Variants in ARMC5 observed in about 807,000 individuals in gnomAD.
ARMC5 encodes the protein armadillo repeat containing 5.
In ARMC5, 28 loss-of-function variants were observed where a neutral mutation model predicts 60.5. The observed-to-expected ratio is 0.46, with a 90% CI of 0.34 to 0.63. The LOEUF (loss-of-function observed/expected upper bound fraction) is 0.63, where lower values mean the gene tolerates loss of function less well. Ranked by LOEUF, ARMC5 falls within the 30% of genes least tolerant of loss-of-function variation. ARMC5 has a pLI of 0.01. For synonymous variants in ARMC5, 680 were observed against 607.3 expected, an observed-to-expected ratio of 1.12 and a Z score of -1.76; for missense variants, 1,189 against 1,304.9, an observed-to-expected ratio of 0.91 and a Z score of 1.37.
upstream of ARMC5, chr16:31,459,202 G>A (rs989109120): frequency 3.3e-6 from 5 of 1,530,886 alleles, no homozygotes; most frequent in African/African-American, 6.9e-5. Context: ...TCGGACTTCT[G>A]GGCTGTTCGG....
chr16:31,458,382 C>T, upstream of ARMC5: 2 of 1,534,560 alleles, frequency 1.3e-6, no homozygotes, highest in Non-Finnish European at 8.7e-7. Flanking sequence ...TAGGCACAGG[C>T]ATAGGGCCGA....
chr16:31,461,802 C>T, intron 1 of ARMC5, 120 bp from the exon 2 acceptor site: 1 of 844,200 alleles, frequency 1.2e-6, no homozygotes. Context: ...GCCACGGTGC[C>T]CTGCCGACCA....
Position 31,464,536 on chromosome 16 carries a change from C to A in ARMC5, c.1513C>A (p.Arg505Ser), listed in dbSNP as rs1225702640. ...PTSLRAPRTQRTPGRSPAAAI... is the reference protein window; with the variant it reads ...PTSLRAPRTQSTPGRSPAAAI... ...CTCGCTGCGGGCACCACGCACCCAA[C>A]GCACTCCGGGCCGCAGCCCCGCCGC... is the stretch of plus-strand genomic sequence containing the variant. The change falls in exon 4 of 6, where the codon CGC becomes AGC. Residue 505 changes from arginine to serine, a missense_variant. Around this residue, in one of 2 missense-constraint regions of ARMC5, gnomAD observed 862 missense variants for 1,071.2 expected, o/e 0.80. Transcript: ENST00000268314. This position sits in a 1 kb window ranked among gnomAD's most constrained non-coding sequence, Gnocchi z 7.6. 1 of 1,594,682 alleles carries A rather than the reference C, an allele frequency of 6.3e-7. No individual in the cohort carries two copies. Among genetic ancestry groups the A allele is most frequent in the East Asian group, 2.3e-5 (1 of 43,974 alleles).
At position 31,462,649 on chromosome 16, in the gene ARMC5, G is replaced by A; in HGVS notation, c.1102G>A (p.Ala368Thr). The change falls in exon 3 of 6, where the codon GCT becomes ACT. Residue 368 changes from alanine (A) to threonine (T), a missense_variant. Around this residue, in one of 2 missense-constraint regions of ARMC5, gnomAD observed 862 missense variants for 1,071.2 expected, o/e 0.80. Transcript: ENST00000268314. This position sits in a 1 kb window ranked among gnomAD's most constrained non-coding sequence, Gnocchi z 7.2. ...EAINRARLRD[A>T]GGLDLLMGLL... is the part of the protein sequence containing the mutation. Reference sequence around the variant, plus strand: ...CATCAACCGGGCCCGACTGCGGGATGCTGGTGGCTTGGATCTACTGATGGG... The same window carrying A: ...CATCAACCGGGCCCGACTGCGGGATACTGGTGGCTTGGATCTACTGATGGG... 1.2e-6 allele frequency: 2 copies of A among 1,613,724 alleles called. No individual in the cohort carries two copies. Among genetic ancestry groups the A allele is most frequent in the Non-Finnish European group, 1.7e-6 (2 of 1,180,018 alleles).
chr16:31,465,702 C>A, intron 4 of ARMC5, 148 bp from the exon 5 acceptor site: 2 of 1,463,300 alleles, frequency 1.4e-6, no homozygotes, highest in South Asian at 1.4e-5. Flanking sequence ...AGGTTCCCAG[C>A]GTCCCGAGCC....
rs2082338123 is a variant in ARMC5, at chr16:31,464,810, T to G, written c.1787T>G (p.Leu596Arg). Residue 596 changes from leucine to arginine, a missense_variant, in exon 4 of 6, where the codon CTG (leucine) becomes CGG (arginine). Leu to Arg is a moderately radical substitution (Grantham distance 102). This residue lies in a region of ARMC5 where 862 missense variants were observed against 1,071.2 expected (regional missense o/e 0.80). Coordinates refer to ENST00000268314, the MANE Select transcript of ARMC5 (RefSeq NM_001105247.2). This position sits in a 1 kb window ranked among gnomAD's most constrained non-coding sequence, Gnocchi z 7.6. ...GGCGCGGCGCTGCTGCGGGCCTGGC[T>G]GGTGCTGGGGGTGGCGCCTGACGAT... ...SYGAALLRAW[L>R]VLGVAPDDWP... 6.3e-7 allele frequency: 1 copy of G among 1,597,916 alleles called. No individual in the cohort carries two copies. The highest frequency in any genetic ancestry group is 8.5e-7 in the Non-Finnish European group (1 of 1,178,612).
chr16:31,461,808 G>T, intron 1 of ARMC5, 114 bp from the exon 2 acceptor site: 1 of 907,194 alleles, frequency 1.1e-6, no homozygotes, highest in African/African-American at 1.6e-5. Context: ...GTGCCCTGCC[G>T]ACCATTAGCC....
Position 31,459,612 on chromosome 16 carries a change from GA to G in ARMC5, c.92del (p.Lys31ArgfsTer10). On this transcript the variant is annotated frameshift_variant, in exon 1 of 6. Coordinates refer to ENST00000268314, the MANE Select transcript of ARMC5 (RefSeq NM_001105247.2). LOFTEE classifies it high-confidence loss of function. ...AAAAGEALGGEKDPATNETPL... is the reference protein window; with the variant it reads ...AAAAGEALGGXKDPATNETPL... Reference sequence around the variant, plus strand: ...GGCGGCCGGGGAGGCTCTGGGTGGGGAAAAGGACCCAGCGACCAACGAGACA... The same window carrying G: ...GGCGGCCGGGGAGGCTCTGGGTGGGGAAAGGACCCAGCGACCAACGAGACA... The G allele has an allele frequency of 6.3e-7, 1 of 1,597,796 alleles. No individual in the cohort carries two copies.
At position 31,462,698 on chromosome 16, in the gene ARMC5, G is replaced by A; in HGVS notation, c.1151G>A (p.Ser384Asn). The A allele has an allele frequency of 1.9e-6, 3 of 1,613,782 alleles. No individual in the cohort carries two copies. The highest frequency in any genetic ancestry group is 2.5e-6 in the Non-Finnish European group (3 of 1,180,036). Residue 384 changes from serine (S) to asparagine (N), a missense_variant, in exon 3 of 6, where the codon AGC becomes AAC. Around this residue, in one of 2 missense-constraint regions of ARMC5, gnomAD observed 862 missense variants for 1,071.2 expected, o/e 0.80. Coordinates refer to ENST00000268314, the MANE Select transcript of ARMC5 (RefSeq NM_001105247.2). This position sits in a 1 kb window ranked among gnomAD's most constrained non-coding sequence, Gnocchi z 7.2. ...LMGLLRDPRASAWHPRIVAAL... is the reference protein window; with the variant it reads ...LMGLLRDPRANAWHPRIVAAL... The stretch of plus-strand genomic sequence containing the variant: ...GGCCTGCTGCGGGACCCTCGTGCAA[G>A]CGCATGGCACCCTCGTATTGTGGCT...
Position 31,464,543 on chromosome 16 carries a change from C to G in ARMC5, c.1520C>G (p.Pro507Arg). The change falls in exon 4 of 6, where the codon CCG (proline) becomes CGG (arginine). Residue 507 changes from proline (P) to arginine (R), a missense_variant. This residue lies in a region of ARMC5 where 862 missense variants were observed against 1,071.2 expected (regional missense o/e 0.80). Transcript: ENST00000268314. The surrounding 1 kb of genome is among the most constrained non-coding windows in gnomAD (Gnocchi z 7.6). ...CGGGCACCACGCACCCAACGCACTC[C>G]GGGCCGCAGCCCCGCCGCCGCCATC... ...SLRAPRTQRT[P>R]GRSPAAAIEE... 3.1e-6 allele frequency: 5 copies of G among 1,588,816 alleles called. No homozygotes were observed. Among genetic ancestry groups the G allele is most frequent in the Non-Finnish European group, 4.3e-6 (5 of 1,169,192 alleles).
At chr16:31,458,449 T>C (rs1057241679), upstream of ARMC5, 21 of 1,535,706 alleles carry the variant, frequency 1.4e-5, no homozygotes, top group East Asian at 2.0e-4. Flanking sequence ...TACCCAGTGG[T>C]GCTTAACCAG....
intron 3 of ARMC5, among the ~76,000 whole-genome samples, chr16:31,463,173 A>G (rs573637210): frequency 6.6e-6 from 1 of 150,828 alleles, no homozygotes; most frequent in African/African-American, 2.4e-5. Flanking sequence ...ATCTCCACTC[A>G]CTGCAACCTC....
chr16:31,465,480 A>G (rs1337134727), intron 4 of ARMC5: 3 of 865,902 alleles, frequency 3.5e-6, no homozygotes, highest in African/African-American at 3.5e-5. Context: ...ATATTGGGAT[A>G]AAGAGTAATT....
chr16:31,463,519 T>G (rs2082322978), intron 3 of ARMC5, among the ~76,000 whole-genome samples: 1 of 152,132 alleles, frequency 6.6e-6, no homozygotes, highest in South Asian at 2.1e-4. Flanking sequence ...AAGTTCTTAC[T>G]CTCTTACCAT....
chr16:31,463,086 C>G lies in ARMC5; in HGVS notation c.1370+169C>G, dbSNP rs183377673. On this transcript the variant is annotated intron_variant, in intron 3 of 5. Coordinates refer to ENST00000268314, the MANE Select transcript of ARMC5 (RefSeq NM_001105247.2). ...CCTGCCAGTTCCTATTTAACACACT[C>G]CACTCCCCTGAGTCTACCTTTTTTT... is the stretch of plus-strand genomic sequence containing the variant. 4.7e-4 allele frequency among the ~76,000 whole-genome samples: 72 copies of G among 152,146 alleles called. 1 individual carries two copies. In the East Asian group the frequency reaches 0.013, roughly 28 times the overall value.
rs745732463 is a variant in ARMC5 at position 31,459,930 on chromosome 16, C to T, written c.406C>T (p.Leu136=). The T allele has an allele frequency of 8.1e-6, 13 of 1,605,284 alleles. No individual in the cohort carries two copies. The highest frequency in any genetic ancestry group is 1.3e-5 in the African/African-American group (1 of 74,840). ...GACGCTGGACTTGGCGCTCAGCATC[C>T]TAGCCGATTGCTGTACGGAAGGGGC... ...RKTLDLALSI[L]ADCCTEGACR... is the part of the protein sequence containing the mutation. Residue 136 remains leucine, a synonymous_variant, in exon 1 of 6, where the codon CTA becomes TTA. Coordinates refer to ENST00000268314, the MANE Select transcript of ARMC5 (RefSeq NM_001105247.2).
At chr16:31,463,223 C>A (rs771857897) in intron 3 of ARMC5, among the ~76,000 whole-genome samples, 1 of 152,030 alleles carries the variant, frequency 6.6e-6, no homozygotes. Flanking sequence ...CTCAGCCTCC[C>A]GAGTAGCTGG....
Position 31,462,825 on chromosome 16 carries a change from G to T in ARMC5, c.1278G>T (p.Glu426Asp), listed in dbSNP as rs2142570028. The T allele has an allele frequency of 6.2e-7, 1 of 1,614,078 alleles. No individual in the cohort carries two copies. The highest frequency in any genetic ancestry group is 8.5e-7 in the Non-Finnish European group (1 of 1,180,026). The change falls in exon 3 of 6, where the codon GAG (glutamate) becomes GAT (aspartate). Residue 426 changes from glutamate to aspartate, a missense_variant. By Grantham distance (45) the Glu-to-Asp change is conservative (BLOSUM62 2). Transcript: ENST00000268314. This position sits in a 1 kb window ranked among gnomAD's most constrained non-coding sequence, Gnocchi z 7.2. ...LAGQLCGEAGEEEEEGREAAS... is the reference protein window; with the variant it reads ...LAGQLCGEAGDEEEEGREAAS... ...GGCAGCTGTGTGGTGAGGCTGGTGA[G>T]GAGGAAGAAGAGGGAAGAGAAGCTG...
chr16:31,462,175 T>A lies in ARMC5; in HGVS notation c.628T>A (p.Ser210Thr). 6.2e-7 allele frequency: 1 copy of A among 1,612,846 alleles called. No individual in the cohort carries two copies. ...GGAGAGCCTGACAGCCTGCCAGGAC[T>A]CGCAGTGCCTACAGAGCGTGGTGCG... ...LVESLTACQD[S>T]QCLQSVVRAL... Residue 210 changes from serine to threonine, a missense_variant, in exon 3 of 6, where the codon TCG becomes ACG. Physicochemically the swap from Ser to Thr is moderately conservative, Grantham distance 58 (BLOSUM62 1). Coordinates refer to ENST00000268314, the MANE Select transcript of ARMC5 (RefSeq NM_001105247.2). This position sits in a 1 kb window ranked among gnomAD's most constrained non-coding sequence, Gnocchi z 7.2.
Sources: gnomAD v4.1 joint callset for allele counts (sites outside exome capture counted in the v4.1 genomes callset) on GRCh38, gnomAD v4.1.1 for gene constraint, gnomAD v4.1.1 regional missense constraint, Gnocchi (gnomAD v3.1) non-coding constraint, MANE v1.5 for transcripts, NCBI Gene and HGNC (gene_info 2026-07-23, HGNC 2026-07-21) for gene names.